CTSA: variants seen among roughly 807,000 people sequenced by gnomAD.
The protein encoded by CTSA is lysosomal protective protein.
CTSA carries 42 observed loss-of-function variants against 66.7 expected under a neutral mutation model. That is an observed-to-expected ratio of 0.63 (90% CI 0.49 to 0.81). CTSA has a LOEUF of 0.81. Among genes scored for constraint, CTSA ranks in the 40% least tolerant of loss-of-function variants. The pLI, the probability that CTSA is intolerant of heterozygous loss-of-function variation, is 0.00. For synonymous variants in CTSA, 225 were observed against 248.6 expected (o/e 0.91, Z 0.89); for missense variants, 525 against 610.9 (o/e 0.86, Z 1.48).
chr20:45,896,440 T>C, intron 11 of CTSA: 1 of 200,062 alleles, frequency 5.0e-6, no homozygotes, highest in Non-Finnish European at 1.0e-5. Context: ...CATTTCTTTT[T>C]CTTTTTTTTT....
At chr20:45,894,425 T>G in intron 8 of CTSA, 1 of 623,370 alleles carries the variant, frequency 1.6e-6, no homozygotes, top group Non-Finnish European at 2.9e-6. Flanking sequence ...CTGAGGGCTA[T>G]GAATTTTGAA....
chr20:45,895,427 C>T (rs1027672331), intron 11 of CTSA, among the ~76,000 whole-genome samples: 7 of 151,520 alleles, frequency 4.6e-5, no homozygotes, highest in Non-Finnish European at 5.9e-5. Context: ...CTCAAGCAAT[C>T]CTCCCACCTC....
At chr20:45,895,703 A>T (rs985038288) in intron 11 of CTSA, among the ~76,000 whole-genome samples, 2 of 152,034 alleles carry the variant, frequency 1.3e-5, no homozygotes, top group South Asian at 2.1e-4. Flanking sequence ...ACCTTAGTCT[A>T]CTGAGTAGCT....
At chr20:45,892,952 A>G (rs1477709582) in intron 6 of CTSA, 72 bp downstream of exon 6, 5 of 1,557,720 alleles carry the variant, frequency 3.2e-6, no homozygotes, top group Non-Finnish European at 4.4e-6. Context: ...GGTCAGACTG[A>G]CTGGTCAATG....
chr20:45,894,536 A>G (rs939161209), intron 8 of CTSA, 114 bp from the exon 9 acceptor site: 4 of 980,444 alleles, frequency 4.1e-6, no homozygotes, highest in South Asian at 2.6e-5. Context: ...CCTACCTGTG[A>G]AAAAAAGTGG....
At position 45,892,264 on chromosome 20, in the gene CTSA, C is replaced by T. The variant is rs1285579743; in HGVS notation, c.307-9C>T. 1 of 1,613,904 alleles carries T rather than the reference C, an allele frequency of 6.2e-7. No individual in the cohort carries two copies. Among genetic ancestry groups the T allele is most frequent in the Non-Finnish European group, 8.5e-7 (1 of 1,180,000 alleles). Reference sequence around the variant, plus strand: ...TTGGGACTTACTCAGCCATCTCTTTCCTCCTCAGGTCCAGCCAGATGGTGT... The same window carrying T: ...TTGGGACTTACTCAGCCATCTCTTTTCTCCTCAGGTCCAGCCAGATGGTGT... On this transcript the variant is annotated splice_polypyrimidine_tract_variant and intron_variant, in intron 3 of 14. Coordinates refer to ENST00000646241, the MANE Select transcript of CTSA (RefSeq NM_000308.4).
chr20:45,892,080 A>C, intron 3 of CTSA, 53 bp downstream of exon 3: 1 of 1,546,004 alleles, frequency 6.5e-7, no homozygotes, highest in Non-Finnish European at 8.9e-7. Flanking sequence ...GGCTGGGGAA[A>C]GCGAGAGAGG....
chr20:45,898,419 T>C lies in CTSA; in HGVS notation c.1412T>C (p.Phe471Ser). The change falls in exon 15 of 15, where the codon TTC (phenylalanine) becomes TCC (serine). Residue 471 changes from phenylalanine to serine, a missense_variant. Phe to Ser is a radical substitution (Grantham distance 155). Coordinates refer to ENST00000646241, the MANE Select transcript of CTSA (RefSeq NM_000308.4). This position sits in a 1 kb window ranked among gnomAD's most constrained non-coding sequence, Gnocchi z 4.6. ...AAGCCCCTCGCTGCCTTCACCATGT[T>C]CTCCCGCTTCCTGAACAAGCAGCCA... ...TDKPLAAFTM[F>S]SRFLNKQPY The C allele has an allele frequency of 6.8e-6, 11 of 1,613,712 alleles. No individual in the cohort carries two copies. The highest frequency in any genetic ancestry group is 9.3e-6 in the Non-Finnish European group (11 of 1,179,908).
intron 11 of CTSA, 96 bp from the exon 12 acceptor site, chr20:45,896,869 G>C (rs2083113804): frequency 2.0e-6 from 2 of 1,004,822 alleles, no homozygotes; most frequent in African/African-American, 3.2e-5. Context: ...TCTGCCTTCT[G>C]GGTTGGAGCT....
Position 45,897,587 on chromosome 20 carries a change from C to A in CTSA, c.1165-130C>A, listed in dbSNP as rs2145823441. 2.2e-5 allele frequency: 16 copies of A among 714,144 alleles called. No homozygotes were observed. The South Asian group carries it at 2.4e-4, about 11-fold the overall frequency. The allele number at this position is 714,144 out of a possible 1,614,324, so 44.2% of individuals were successfully genotyped here. On this transcript the variant is annotated intron_variant, in intron 12 of 14. Transcript: ENST00000646241. ...GGACATGCAGTAAGTCGTTAGAAAA[C>A]ATGAAAATTCCCTGGTTCGTGTTAT...
intron 12 of CTSA, 40 bp from the exon 13 acceptor site, chr20:45,897,677 C>T (rs751709320): frequency 7.9e-7 from 1 of 1,265,206 alleles, no homozygotes; most frequent in Non-Finnish European, 1.2e-6. Context: ...GGGGACTGGG[C>T]TTGTTCCACA....
At position 45,892,470 on chromosome 20, in the gene CTSA, A is replaced by C; in HGVS notation, c.430A>C (p.Thr144Pro). The change falls in exon 5 of 15, where the codon ACT (threonine) becomes CCT (proline). Residue 144 changes from threonine to proline, a missense_variant. Coordinates refer to ENST00000646241, the MANE Select transcript of CTSA (RefSeq NM_000308.4). ...FSYSDDKFYA[T>P]NDTEVAQSNF... ...CTACTCCGATGACAAGTTTTATGCAACTAATGACACTGAGGTGAGTCTGGT... is the reference window on the plus strand; with the variant it reads ...CTACTCCGATGACAAGTTTTATGCACCTAATGACACTGAGGTGAGTCTGGT... 1 of 1,614,112 alleles carries C rather than the reference A, an allele frequency of 6.2e-7. No individual in the cohort carries two copies. The highest frequency in any genetic ancestry group is 8.5e-7 in the Non-Finnish European group (1 of 1,180,002).
Position 45,894,752 on chromosome 20 carries a change from CT to C in CTSA, c.869+12del. The C allele has an allele frequency of 6.2e-7, 1 of 1,613,786 alleles. No homozygotes were observed. Among genetic ancestry groups the C allele is most frequent in the Non-Finnish European group, 8.5e-7 (1 of 1,179,846 alleles). ...GCCCAGCCATTTTAGGTAGGTGCTG[CT>C]GGGTGCCCCTGGAGCCAACCCCAGC... On this transcript the variant is annotated intron_variant, in intron 9 of 14. Transcript: ENST00000646241.
chr20:45,895,912 C>T (rs1359434201), intron 11 of CTSA, among the ~76,000 whole-genome samples: 5 of 152,256 alleles, frequency 3.3e-5, no homozygotes, highest in African/African-American at 9.6e-5. Flanking sequence ...CTATTACTTC[C>T]GACTGGGCGC....
chr20:45,891,567 A>T lies in CTSA; in HGVS notation c.1-2A>T. Reference sequence around the variant, plus strand: ...CAACAGCCCCTCTGCTGCCTCCCGTAGATGATCCGAGCCGCGCCGCCGCCG... The same window carrying T: ...CAACAGCCCCTCTGCTGCCTCCCGTTGATGATCCGAGCCGCGCCGCCGCCG... On this transcript the variant is annotated splice_acceptor_variant, in intron 1 of 14. Coordinates refer to ENST00000646241, the MANE Select transcript of CTSA (RefSeq NM_000308.4). LOFTEE classifies it low-confidence loss of function (5UTR_SPLICE). The surrounding 1 kb of genome is among the most constrained non-coding windows in gnomAD (Gnocchi z 4.6). 3 of 1,603,182 alleles carry T rather than the reference A, an allele frequency of 1.9e-6. No homozygotes were observed. Among genetic ancestry groups the T allele is most frequent in the Non-Finnish European group, 2.5e-6 (3 of 1,178,396 alleles).
At position 45,897,260 on chromosome 20, in the gene CTSA, G is replaced by A. The variant is rs11569665; in HGVS notation, c.1164+220G>A. 4.7e-3 allele frequency: 2,805 copies of A among 599,506 alleles called. 67 individuals carry two copies. In the African/African-American group the frequency reaches 0.047, roughly 10 times the overall value. The allele number at this position is 599,506 out of a possible 1,614,324, so 37.1% of individuals were successfully genotyped here. On this transcript the variant is annotated intron_variant, in intron 12 of 14. Coordinates refer to ENST00000646241, the MANE Select transcript of CTSA (RefSeq NM_000308.4). ...AGGCCTAGGGGTCTGCATCAGCCAC[G>A]GAGTCTTAAGGGTGAGAAGAGCTTC...
chr20:45,894,456 T>G lies in CTSA; in HGVS notation c.778-194T>G. On this transcript the variant is annotated intron_variant, in intron 8 of 14. Coordinates refer to ENST00000646241, the MANE Select transcript of CTSA (RefSeq NM_000308.4). ...TTGAAATCACTGTCTGAAGTCACAG[T>G]GTTGGGAGGCAGTGATGCTAGGATT... 3 of 663,402 alleles carry G rather than the reference T, an allele frequency of 4.5e-6. No individual in the cohort carries two copies. In the South Asian group the frequency reaches 5.0e-5, roughly 11 times the overall value. The allele number at this position is 663,402 out of a possible 1,614,324, so 41.1% of individuals were successfully genotyped here.
chr20:45,894,597 T>A, intron 8 of CTSA, 53 bp from the exon 9 acceptor site: 1 of 1,480,620 alleles, frequency 6.8e-7, no homozygotes, highest in South Asian at 1.1e-5. Context: ...CTTGGTGGGG[T>A]CGTGGAGAGG....
chr20:45,897,984 ATG>A lies in CTSA; in HGVS notation c.1255-19_1255-18del, dbSNP rs2083129364. ...GCAAGGATGCAGCTGCTGTAGGCTG[ATG>A]TCTTTCCTGGTGGGGCAGATGGAGG... is the stretch of plus-strand genomic sequence containing the variant. On this transcript the variant is annotated intron_variant, in intron 13 of 14. Transcript: ENST00000646241. The A allele has an allele frequency of 6.2e-7, 1 of 1,612,276 alleles. No individual in the cohort carries two copies. The highest frequency in any genetic ancestry group is 8.5e-7 in the Non-Finnish European group (1 of 1,178,428).
Sources: gnomAD v4.1 joint callset for allele counts (sites outside exome capture counted in the v4.1 genomes callset) on GRCh38, gnomAD v4.1.1 for gene constraint, Gnocchi (gnomAD v3.1) non-coding constraint, MANE v1.5 for transcripts, NCBI Gene and HGNC (gene_info 2026-07-23, HGNC 2026-07-21) for gene names.